Variants in CFAP184 observed in about 807,000 individuals in gnomAD.
CFAP184 encodes the protein cilia and flagella associated protein 184, also known as cilia- and flagella-associated protein 184.
the CFAP184 span, chr4:7,042,702 C>T: frequency 1.3e-5 from 19 of 1,512,138 alleles, no homozygotes; most frequent in Non-Finnish European, 1.5e-5. Context: ...CCTCCTCGCC[C>T]GCAGCCTCGG....
chr4:7,042,685 C>T, the CFAP184 span: 2 of 1,510,992 alleles, frequency 1.3e-6, no homozygotes, highest in South Asian at 2.5e-5. Flanking sequence ...CCCCGGCTCT[C>T]CAGGCCCCTC....
At chr4:7,040,988 A>G in the CFAP184 span, 1 of 353,450 alleles carries the variant, frequency 2.8e-6, no homozygotes, top group Non-Finnish European at 5.1e-6. Flanking sequence ...AAATTATAGA[A>G]TTGCTCAGAC....
chr4:7,042,735 C>A, the CFAP184 span: 2 of 1,521,566 alleles, frequency 1.3e-6, no homozygotes, highest in Admixed American at 2.0e-5. Flanking sequence ...CTTTCGGGGC[C>A]TCGGCCTGCT....
At chr4:7,041,722 A>G in the CFAP184 span, 49 of 1,614,164 alleles carry the variant, frequency 3.0e-5, no homozygotes, top group South Asian at 3.3e-5. Flanking sequence ...TTCAAAGTCA[A>G]TAAGAAGCAG....
the CFAP184 span, chr4:7,042,957 G>A: frequency 1.4e-6 from 2 of 1,407,898 alleles, no homozygotes; most frequent in Non-Finnish European, 1.9e-6. Context: ...GGCTCGGCCA[G>A]CGCAGCGGAC....
At chr4:7,042,094 T>C in the CFAP184 span, 1 of 1,609,524 alleles carries the variant, frequency 6.2e-7, no homozygotes, top group Non-Finnish European at 8.5e-7. Context: ...CAGGTACGCT[T>C]GCTCTTTCTC....
chr4:7,042,439 C>T, the CFAP184 span: 4 of 1,611,800 alleles, frequency 2.5e-6, no homozygotes, highest in East Asian at 2.2e-5. Context: ...CTCTTCCTCC[C>T]CCTCCACCCG....
At chr4:7,041,880 A>G in the CFAP184 span, 16 of 1,610,988 alleles carry the variant, frequency 9.9e-6, no homozygotes, top group Admixed American at 2.2e-4. Flanking sequence ...CTCGCAGAGC[A>G]GCCTGGCGCC....
At chr4:7,042,496 C>T in the CFAP184 span, 2 of 1,609,918 alleles carry the variant, frequency 1.2e-6, no homozygotes, top group South Asian at 2.2e-5. Flanking sequence ...CTCATCGATC[C>T]TGGTCAGCGG....
chr4:7,042,765 C>T, the CFAP184 span: 1 of 1,536,484 alleles, frequency 6.5e-7, no homozygotes, highest in Admixed American at 2.0e-5. Context: ...CGGTGCCTCC[C>T]TGCGAAGCCG....
the CFAP184 span, chr4:7,041,403 T>C: frequency 6.2e-7 from 1 of 1,614,222 alleles, no homozygotes; most frequent in Non-Finnish European, 8.5e-7. Context: ...CCACCTTTTC[T>C]TCCAAGTCCC....
chr4:7,042,260 C>G, the CFAP184 span: 5 of 1,593,064 alleles, frequency 3.1e-6, no homozygotes, highest in Non-Finnish European at 4.3e-6. Flanking sequence ...TCCAGGAGGT[C>G]GCTGCGCAGC....
chr4:7,042,932 C>A, the CFAP184 span: 1 of 1,443,992 alleles, frequency 6.9e-7, no homozygotes, highest in Non-Finnish European at 9.1e-7. Flanking sequence ...TCAGAGCTGA[C>A]GTCCATCTCC....
chr4:7,042,766 T>A, the CFAP184 span: 1 of 1,536,732 alleles, frequency 6.5e-7, no homozygotes, highest in Non-Finnish European at 8.7e-7. Context: ...GGTGCCTCCC[T>A]GCGAAGCCGC....
the CFAP184 span, chr4:7,042,511 G>A: frequency 6.2e-7 from 1 of 1,608,848 alleles, no homozygotes; most frequent in Non-Finnish European, 8.5e-7. Context: ...CAGCGGCAGA[G>A]AGGCCTGGAA....
chr4:7,042,661 G>A, the CFAP184 span: 1 of 1,502,336 alleles, frequency 6.7e-7, no homozygotes, highest in South Asian at 1.3e-5. Flanking sequence ...CTCGGGCTGG[G>A]GCTCGGCCGG....
chr4:7,042,234 C>T, the CFAP184 span: 1 of 1,599,122 alleles, frequency 6.3e-7, no homozygotes. Flanking sequence ...GCTCCACCAG[C>T]AGGGAACGGT....
the CFAP184 span, chr4:7,041,847 C>CA: frequency 1.2e-6 from 2 of 1,610,050 alleles, no homozygotes; most frequent in Non-Finnish European, 8.5e-7. Context: ...TTTTATCCTC[C>CA]AACGCCTGGA....
the CFAP184 span, chr4:7,042,394 C>A: frequency 6.2e-7 from 1 of 1,612,240 alleles, no homozygotes; most frequent in Non-Finnish European, 8.5e-7. Flanking sequence ...CCTCTCCTTG[C>A]TCTCCGCGCC....
Sources: gnomAD v4.1 joint callset for allele counts on GRCh38, gnomAD v4.1.1 for gene constraint, MANE v1.5 for transcripts, NCBI Gene and HGNC (gene_info 2026-07-23, HGNC 2026-07-21) for gene names.